The following BLTP1 variants were observed in gnomAD, a reference collection of about 807,000 sequenced individuals.
BLTP1 encodes the protein fragile site-associated protein.
At chr4:122,194,823 C>A in the BLTP1 span, 1 of 331,106 alleles carries the variant, frequency 3.0e-6, no homozygotes, top group Non-Finnish European at 4.3e-6. Context: ...GCTTTAACCA[C>A]TCCTTTCAGT....
chr4:122,278,179 A>G, the BLTP1 span, among the ~76,000 whole-genome samples: 1 of 152,214 alleles, frequency 6.6e-6, no homozygotes, highest in Admixed American at 6.5e-5. Context: ...AGATATAAAA[A>G]AAATAAACTT....
At chr4:122,352,360 T>TG in the BLTP1 span, among the ~76,000 whole-genome samples, 1 of 146,332 alleles carries the variant, frequency 6.8e-6, no homozygotes. Context: ...TTTTTCTTTT[T>TG]TTTTTTTTTT....
At chr4:122,226,372 A>G in the BLTP1 span, 11 of 1,010,504 alleles carry the variant, frequency 1.1e-5, no homozygotes, top group African/African-American at 1.7e-4. Context: ...GTGCTTTTCT[A>G]TGTGGAGATT....
At chr4:122,261,709 G>A in the BLTP1 span, 2 of 984,150 alleles carry the variant, frequency 2.0e-6, no homozygotes, top group Non-Finnish European at 2.4e-6. Context: ...TCCTTAGTAA[G>A]TATGTAAGGG....
At chr4:122,255,768 A>C in the BLTP1 span, among the ~76,000 whole-genome samples, 1 of 152,196 alleles carries the variant, frequency 6.6e-6, no homozygotes, top group Non-Finnish European at 1.5e-5. Context: ...GATTTCCAGG[A>C]ATGCTATGTT....
chr4:122,293,277 C>A, the BLTP1 span: 1 of 595,004 alleles, frequency 1.7e-6, no homozygotes, highest in Non-Finnish European at 2.1e-6. Context: ...GACTCTCACA[C>A]AGAGGAATGA....
chr4:122,270,835 C>T, the BLTP1 span: 1 of 261,010 alleles, frequency 3.8e-6, no homozygotes, highest in South Asian at 1.4e-4. Context: ...ACTTAAAGGC[C>T]CACCTTTGAA....
At chr4:122,217,279 G>A in the BLTP1 span, among the ~76,000 whole-genome samples, 2 of 151,808 alleles carry the variant, frequency 1.3e-5, no homozygotes, top group Admixed American at 6.6e-5. Flanking sequence ...GTTTGAAGTC[G>A]GGTAATGTGA....
chr4:122,213,678 A>T, the BLTP1 span, among the ~76,000 whole-genome samples: 1 of 152,178 alleles, frequency 6.6e-6, no homozygotes, highest in East Asian at 1.9e-4. Context: ...ACCTGGCATT[A>T]TCATTAAAAA....
chr4:122,272,461 C>A, the BLTP1 span: 1 of 1,401,622 alleles, frequency 7.1e-7, no homozygotes, highest in Non-Finnish European at 9.7e-7. Context: ...AGTGCTACTT[C>A]TCTGAAGAAA....
chr4:122,269,194 A>G, the BLTP1 span: 1 of 437,120 alleles, frequency 2.3e-6, no homozygotes, highest in Non-Finnish European at 3.0e-6. Flanking sequence ...GTATACATAC[A>G]GTCTATGTTT....
chr4:122,280,134 A>T, the BLTP1 span: 5 of 985,464 alleles, frequency 5.1e-6, no homozygotes, highest in Non-Finnish European at 4.8e-6. Flanking sequence ...GCCAATTGTG[A>T]TCATGTGAGA....
the BLTP1 span, among the ~76,000 whole-genome samples, chr4:122,278,657 C>T: frequency 6.6e-6 from 1 of 152,158 alleles, no homozygotes; most frequent in Non-Finnish European, 1.5e-5. Flanking sequence ...TTGACTGGTC[C>T]ACTTTTATCT....
the BLTP1 span, chr4:122,318,254 G>A: frequency 1.4e-5 from 23 of 1,609,878 alleles, no homozygotes; most frequent in Admixed American, 1.0e-4. Flanking sequence ...AAAAAATTAC[G>A]GAGGTCCAGT....
At chr4:122,285,274 G>C in the BLTP1 span, among the ~76,000 whole-genome samples, 1 of 152,130 alleles carries the variant, frequency 6.6e-6, no homozygotes, top group Non-Finnish European at 1.5e-5. Flanking sequence ...GTAAAAGAAT[G>C]ACTATACTAG....
the BLTP1 span, chr4:122,258,534 T>A: frequency 2.2e-6 from 1 of 463,282 alleles, no homozygotes; most frequent in Non-Finnish European, 2.8e-6. Context: ...AGCCGTTTGT[T>A]CCTTTCTTGA....
chr4:122,179,410 A>T, the BLTP1 span, among the ~76,000 whole-genome samples: 1 of 152,168 alleles, frequency 6.6e-6, no homozygotes, highest in African/African-American at 2.4e-5. Flanking sequence ...ATAATATTCC[A>T]GCCAAAGACC....
At chr4:122,173,636 G>A in the BLTP1 span, among the ~76,000 whole-genome samples, 2 of 152,106 alleles carry the variant, frequency 1.3e-5, no homozygotes, top group African/African-American at 2.4e-5. Flanking sequence ...ACAGATAGTA[G>A]CATTAGAAAT....
chr4:122,247,103 C>A, the BLTP1 span: 11 of 1,540,004 alleles, frequency 7.1e-6, no homozygotes, highest in South Asian at 1.3e-4. Flanking sequence ...TAAATGTTTT[C>A]TCTGAACTGT....
Sources: allele counts gnomAD v4.1 joint callset (sites outside exome capture counted in the v4.1 genomes callset), GRCh38; gene constraint gnomAD v4.1.1; transcripts MANE v1.5; gene names NCBI Gene and HGNC (gene_info 2026-07-23, HGNC 2026-07-21).